LIPA: variants seen among roughly 807,000 people sequenced by gnomAD.
The protein encoded by LIPA is lipase A, lysosomal acid type.
A neutral mutation model predicts 40.6 loss-of-function variants in LIPA; 26 were observed. That is an observed-to-expected ratio of 0.64 (90% CI 0.47 to 0.89). The LOEUF is 0.89. LIPA is among the 40% of genes least tolerant of loss of function. The pLI is 0.00. For missense variants in LIPA, 455 were observed against 479.6 expected (o/e 0.95, Z 0.48); for synonymous variants, 188 against 168.4 (o/e 1.12, Z -0.90).
At chr10:89,307,450 A>C in intron 1 of LIPA, 1 of 1,201,462 alleles carries the variant, frequency 8.3e-7, no homozygotes, top group Non-Finnish European at 1.2e-6. Context: ...GGTATTCAAA[A>C]TATGTAATGA....
chr10:89,285,197 A>G, intron 1 of LIPA: 1 of 160,106 alleles, frequency 6.2e-6, no homozygotes, highest in Non-Finnish European at 1.3e-5. Context: ...TCCAAGAGAA[A>G]GATCCACCTA....
At chr10:89,398,496 G>C (rs1844377198) in intron 2 of LIPA, among the ~76,000 whole-genome samples, 1 of 152,160 alleles carries the variant, frequency 6.6e-6, no homozygotes, top group Admixed American at 6.5e-5. Context: ...ACCTGTGTCT[G>C]AGTACTCATT....
At chr10:89,236,569 G>A (rs1842907172) in intron 3 of LIPA, among the ~76,000 whole-genome samples, 1 of 152,126 alleles carries the variant, frequency 6.6e-6, no homozygotes, top group Non-Finnish European at 1.5e-5. Context: ...ACAAGAAAAA[G>A]TTGAATTGCT....
At chr10:89,340,449 T>C (rs995902034) in intron 1 of LIPA, 5 of 172,702 alleles carry the variant, frequency 2.9e-5, no homozygotes, top group African/African-American at 1.2e-4. Context: ...TCCCAGCTAC[T>C]TGGGAGGCTG....
At chr10:89,327,174 C>T (rs1843607352) in intron 1 of LIPA, among the ~76,000 whole-genome samples, 1 of 152,122 alleles carries the variant, frequency 6.6e-6, no homozygotes, top group South Asian at 2.1e-4. Flanking sequence ...TCGTGGAGAC[C>T]AAGGTTTTAT....
At chr10:89,366,555 C>T (rs1190319415) in intron 2 of LIPA, among the ~76,000 whole-genome samples, 1 of 152,074 alleles carries the variant, frequency 6.6e-6, no homozygotes, top group Non-Finnish European at 1.5e-5. Context: ...ATTTATGCAG[C>T]CAACAGACAC....
chr10:89,233,660 G>A (rs1283755259), intron 3 of LIPA, among the ~76,000 whole-genome samples: 1 of 152,188 alleles, frequency 6.6e-6, no homozygotes, highest in African/African-American at 2.4e-5. Context: ...AGCATTTTGG[G>A]AGGCCGAGGC....
chr10:89,310,073 T>A (rs1412257101), intron 1 of LIPA, among the ~76,000 whole-genome samples: 1 of 152,252 alleles, frequency 6.6e-6, no homozygotes, highest in Non-Finnish European at 1.5e-5. Flanking sequence ...ATTCTCTGTA[T>A]TTGATTGCCA....
intron 2 of LIPA, among the ~76,000 whole-genome samples, chr10:89,399,832 A>C (rs187291243): frequency 6.6e-6 from 1 of 152,252 alleles, no homozygotes; most frequent in East Asian, 1.9e-4. Flanking sequence ...GCCTTAATCC[A>C]ACAGAGCTGG....
At chr10:89,386,214 G>T (rs1268670055) in intron 2 of LIPA, among the ~76,000 whole-genome samples, 1 of 151,896 alleles carries the variant, frequency 6.6e-6, no homozygotes, top group African/African-American at 2.4e-5. Context: ...TTCCTACCAA[G>T]AATTTTTCAA....
At chr10:89,284,281 T>C (rs933450865) in intron 1 of LIPA, 3 of 152,258 alleles carry the variant, frequency 2.0e-5, no homozygotes, top group Admixed American at 6.5e-5. Context: ...GTTTTTCATT[T>C]GAAAGTCAGG....
rs1379415066 is a variant in LIPA, at chr10:89,214,977, A to G, written c.1051T>C (p.Tyr351His). ...TGAGTCAGTAAGATATTGACGTCGT[A>G]GACATCTGCAAGCCAGTCGTGACCC... ...SGGHDWLADV[Y>H]DVNILLTQIT... Residue 351 changes from tyrosine (Y) to histidine (H), a missense_variant, in exon 10 of 10, where the codon TAC becomes CAC. Physicochemically the swap from Tyr to His is moderately conservative, Grantham distance 83. Transcript: ENST00000336233. The G allele has an allele frequency of 1.2e-6, 2 of 1,614,052 alleles. No homozygotes were observed. Among genetic ancestry groups the G allele is most frequent in the Non-Finnish European group, 1.7e-6 (2 of 1,179,988 alleles).
At chr10:89,372,509 C>T (rs1844097379) in intron 2 of LIPA, among the ~76,000 whole-genome samples, 1 of 152,212 alleles carries the variant, frequency 6.6e-6, no homozygotes, top group Non-Finnish European at 1.5e-5. Context: ...AAATTAAGCG[C>T]TTATCAATCT....
rs546360825 is a variant in LIPA at position 89,216,626 on chromosome 10, G to A, written c.895-617C>T. Among the ~76,000 whole-genome samples, 479 of 152,050 alleles carry A rather than the reference G, an allele frequency of 3.2e-3. 1 individual carries two copies. The highest frequency in any genetic ancestry group is 0.011 in the African/African-American group (439 of 41,466). On this transcript the variant is annotated intron_variant, in intron 8 of 9. Transcript: ENST00000336233. The stretch of plus-strand genomic sequence containing the variant: ...ACAGTGTAACACCTACTTACATAGC[G>A]TTTACATTGTATTAAGCATCATAAG...
At chr10:89,351,930 T>C (rs1591051) in intron 2 of LIPA, among the ~76,000 whole-genome samples, 35,104 of 151,998 alleles carry the variant, frequency 0.23, 4,238 homozygotes, top group African/African-American at 0.26. Context: ...GAAATAAAAA[T>C]AAAATCCTAA....
At chr10:89,373,334 C>CAAAAAAAAAAAAAAAAAAAAAAAAAAAA (rs34479360) in intron 2 of LIPA, among the ~76,000 whole-genome samples, 3 of 63,152 alleles carry the variant, frequency 4.8e-5, no homozygotes, top group African/African-American at 1.8e-4. Context: ...GACTCCCTCT[C>CAAAAAAAAAAAAAAAAAAAAAAAAAAAA]AAAAAAAAAA....
At chr10:89,237,840 G>A (rs1233285352) in intron 3 of LIPA, among the ~76,000 whole-genome samples, 10 of 152,104 alleles carry the variant, frequency 6.6e-5, no homozygotes, top group Non-Finnish European at 1.0e-4. Context: ...CAAAGGCATC[G>A]AAGTGGTCTA....
rs548077924 is a variant in LIPA at position 89,385,074 on chromosome 10, C to T, written c.61+27717G>A. On this transcript the variant is annotated intron_variant, in intron 2 of 8. Transcript: ENST00000371837. ...ACCTTATGTGGAAAATGCTGCAACC[C>T]TGTTTACTGCCTATGTAAGTGAAAT... The T allele has an allele frequency of 3.0e-5, 6 of 199,896 alleles. No individual in the cohort carries two copies. In the South Asian group the frequency reaches 5.3e-4, roughly 18 times the overall value. 12.4% of individuals were successfully genotyped at this position (199,896 alleles called of 1,614,324 possible).
Position 89,377,921 on chromosome 10 carries a change from A to G in LIPA, c.61+34870T>C. 5.8e-6 allele frequency: 3 copies of G among 521,638 alleles called. 1 individual carries two copies. In the South Asian group the frequency reaches 9.2e-5, roughly 16 times the overall value. The allele number at this position is 521,638 out of a possible 1,614,324, so 32.3% of individuals were successfully genotyped here. A position where few individuals can be genotyped will look rare whatever the true frequency, so the allele number is the denominator to read the frequency against. Reference sequence around the variant, plus strand: ...TCTTAGCTGCCAAAACTCAGCATGTATTTGTAATCAAAGCAGAGACAGCCC... The same window carrying G: ...TCTTAGCTGCCAAAACTCAGCATGTGTTTGTAATCAAAGCAGAGACAGCCC... On this transcript the variant is annotated intron_variant, in intron 2 of 8. Transcript: ENST00000371837.
Sources: gnomAD v4.1 joint callset for allele counts (sites outside exome capture counted in the v4.1 genomes callset) on GRCh38, gnomAD v4.1.1 for gene constraint, MANE v1.5 for transcripts, NCBI Gene and HGNC (gene_info 2026-07-23, HGNC 2026-07-21) for gene names.